The following ZDHHC14 variants were observed in gnomAD, a reference collection of about 807,000 sequenced individuals.
ZDHHC14 encodes zDHHC palmitoyltransferase 14, also known as palmitoyltransferase ZDHHC14.
ZDHHC14 carries 16 observed loss-of-function variants against 47.7 expected under a neutral mutation model. The observed-to-expected ratio is 0.34, with a 90% CI of 0.23 to 0.51. The LOEUF is 0.51. Ranked by LOEUF, ZDHHC14 falls within the 20% of genes least tolerant of loss-of-function variation. ZDHHC14 has a pLI of 0.97. For synonymous variants in ZDHHC14, 293 were observed against 278.9 expected (o/e 1.05, Z -0.50); for missense variants, 515 against 662.5 (o/e 0.78, Z 2.44).
intron 1 of ZDHHC14, among the ~76,000 whole-genome samples, chr6:157,489,865 T>C (rs368496400): frequency 3.3e-5 from 5 of 151,906 alleles, no homozygotes; most frequent in East Asian, 1.9e-4. Flanking sequence ...GTGGGGAAGA[T>C]TGGGTGTGTG....
chr6:157,511,604 G>A (rs1256085366), intron 1 of ZDHHC14, among the ~76,000 whole-genome samples: 4 of 145,322 alleles, frequency 2.8e-5, no homozygotes, highest in Non-Finnish European at 5.9e-5. Flanking sequence ...GTGTTGGTCA[G>A]GCTGGTCTCG....
At chr6:157,393,754 G>T (rs1026912429) in intron 1 of ZDHHC14, among the ~76,000 whole-genome samples, 3 of 151,990 alleles carry the variant, frequency 2.0e-5, no homozygotes, top group Non-Finnish European at 4.4e-5. Flanking sequence ...TAACTTCTAG[G>T]ATGTTCCTCT....
At chr6:157,563,428 T>G (rs997611842) in intron 2 of ZDHHC14, among the ~76,000 whole-genome samples, 1 of 152,172 alleles carries the variant, frequency 6.6e-6, no homozygotes, top group South Asian at 2.1e-4. Flanking sequence ...GGGGAGGCTG[T>G]TTTGTTTCTT....
At position 157,672,910 on chromosome 6, in the gene ZDHHC14, G is replaced by A. The variant is rs73571886; in HGVS notation, c.1255G>A (p.Ala419Thr). ...PTPPASMPNL[A>T]EATLADVMPR... ...ACCGCCCGCCTCCATGCCCAACCTC[G>A]CCGAGGCCACGCTCGCGGACGTGAT... The change falls in exon 9 of 9, where the codon GCC becomes ACC. Residue 419 changes from alanine to threonine, a missense_variant. Ala to Thr is a moderately conservative substitution (Grantham distance 58, BLOSUM62 0). Transcript: ENST00000359775. 12,271 of 1,604,682 alleles carry A rather than the reference G, an allele frequency of 7.6e-3. 83 individuals are homozygous for A. The highest frequency in any genetic ancestry group is 9.7e-3 in the African/African-American group (728 of 74,834).
intron 8 of ZDHHC14, among the ~76,000 whole-genome samples, chr6:157,653,850 C>T (rs1429100374): frequency 1.3e-5 from 2 of 152,142 alleles, no homozygotes; most frequent in Non-Finnish European, 1.5e-5. Flanking sequence ...TTCACAGTTG[C>T]GCAGGGGAAG....
At chr6:157,457,826 A>G (rs1014850255) in intron 1 of ZDHHC14, among the ~76,000 whole-genome samples, 1 of 152,182 alleles carries the variant, frequency 6.6e-6, no homozygotes, top group African/African-American at 2.4e-5. Flanking sequence ...AACCAAATGC[A>G]GCATTGAGAG....
intron 3 of ZDHHC14, among the ~76,000 whole-genome samples, chr6:157,623,763 T>C (rs1785289377): frequency 6.6e-6 from 1 of 151,978 alleles, no homozygotes; most frequent in East Asian, 1.9e-4. Flanking sequence ...TTGGCCAGGA[T>C]ATTCTCGATC....
At chr6:157,545,124 A>G (rs1303139660) in intron 2 of ZDHHC14, among the ~76,000 whole-genome samples, 3 of 152,256 alleles carry the variant, frequency 2.0e-5, no homozygotes, top group East Asian at 1.9e-4. Context: ...GTGTGATTCC[A>G]TTTGTATAAA....
intron 1 of ZDHHC14, among the ~76,000 whole-genome samples, chr6:157,499,163 T>A (rs1468003203): frequency 1.3e-5 from 2 of 152,228 alleles, no homozygotes; most frequent in Non-Finnish European, 2.9e-5. Flanking sequence ...AGAACACTTT[T>A]GGTGTGTCGG....
intron 1 of ZDHHC14, among the ~76,000 whole-genome samples, chr6:157,489,527 C>G (rs1779862779): frequency 1.3e-5 from 2 of 151,626 alleles, no homozygotes; most frequent in South Asian, 4.2e-4. Context: ...TTAGAATGCT[C>G]TTTGTTGAGG....
intron 1 of ZDHHC14, among the ~76,000 whole-genome samples, chr6:157,500,641 T>G (rs1316272845): frequency 6.6e-6 from 1 of 152,114 alleles, no homozygotes. Context: ...GGAAACAGCT[T>G]TGCTCTTATT....
chr6:157,597,418 G>T (rs748160251), intron 3 of ZDHHC14, among the ~76,000 whole-genome samples: 9 of 152,324 alleles, frequency 5.9e-5, no homozygotes, highest in Non-Finnish European at 1.2e-4. Context: ...AGCAGCTTTC[G>T]CTGGAATGCG....
At chr6:157,553,621 T>C (rs1480023454) in intron 2 of ZDHHC14, among the ~76,000 whole-genome samples, 1 of 145,166 alleles carries the variant, frequency 6.9e-6, no homozygotes, top group African/African-American at 2.5e-5. Flanking sequence ...TACTTTAGAC[T>C]CGTATGCTGG....
rs16900297 is a variant in ZDHHC14 at position 157,648,969 on chromosome 6, T to G, written c.965+1601T>G. ...CTGTCCAAATCTCCCTTCTTGTTCC[T>G]GAGTCCTTCATCTGCATATGGCACG... On this transcript the variant is annotated intron_variant, in intron 7 of 8. Coordinates refer to ENST00000359775, the MANE Select transcript of ZDHHC14 (RefSeq NM_024630.3). Among the ~76,000 whole-genome samples, 1,218 of 152,366 alleles carry G rather than the reference T, an allele frequency of 8.0e-3. 79 individuals are homozygous for G. The East Asian group carries it at 0.18, about 22-fold the overall frequency.
At chr6:157,504,552 A>G (rs1266483858) in intron 1 of ZDHHC14, among the ~76,000 whole-genome samples, 7 of 148,102 alleles carry the variant, frequency 4.7e-5, no homozygotes, top group Non-Finnish European at 8.9e-5. Context: ...TCCTGGGTTC[A>G]AGCACCCACC....
At chr6:157,449,543 T>C (rs1778754874) in intron 1 of ZDHHC14, among the ~76,000 whole-genome samples, 1 of 152,186 alleles carries the variant, frequency 6.6e-6, no homozygotes, top group Non-Finnish European at 1.5e-5. Flanking sequence ...AAGTCAATCC[T>C]TTCCCCTTCC....
chr6:157,609,648 C>T (rs1784678529), intron 3 of ZDHHC14, among the ~76,000 whole-genome samples: 1 of 152,240 alleles, frequency 6.6e-6, no homozygotes, highest in African/African-American at 2.4e-5. Flanking sequence ...CTGCTCTGAG[C>T]AGTGAGTGTC....
At chr6:157,636,626 C>T (rs756228328) in intron 5 of ZDHHC14, among the ~76,000 whole-genome samples, 1 of 152,098 alleles carries the variant, frequency 6.6e-6, no homozygotes, top group Admixed American at 6.5e-5. Flanking sequence ...TATCCCAGGG[C>T]AGCCAAGAAA....
At chr6:157,632,699 C>A in intron 4 of ZDHHC14, 135 bp from the exon 5 acceptor site, 1 of 859,820 alleles carries the variant, frequency 1.2e-6, no homozygotes, top group Non-Finnish European at 1.9e-6. Context: ...GATCGGTAAA[C>A]TGGGTGTCGT....
Sources: allele counts gnomAD v4.1 joint callset (sites outside exome capture counted in the v4.1 genomes callset), GRCh38; gene constraint gnomAD v4.1.1; transcripts MANE v1.5; gene names NCBI Gene and HGNC (gene_info 2026-07-23, HGNC 2026-07-21).